The following CLPB variants were observed in gnomAD, a reference collection of about 807,000 sequenced individuals.
CLPB encodes the protein ClpB family mitochondrial disaggregase.
A neutral mutation model predicts 78.4 loss-of-function variants in CLPB; 40 were observed. That is an observed-to-expected ratio of 0.51 (90% CI 0.40 to 0.66). The LOEUF (loss-of-function observed/expected upper bound fraction) is 0.66. Among genes scored for constraint, CLPB ranks in the 30% least tolerant of loss-of-function variants. The pLI, the probability that CLPB is intolerant of heterozygous loss-of-function variation, is 0.00. For missense variants in CLPB, 780 were observed against 886.9 expected, an observed-to-expected ratio of 0.88 and a Z score of 1.53; for synonymous variants, 333 against 348.0, an observed-to-expected ratio of 0.96 and a Z score of 0.48.
At chr11:72,336,878 C>A in intron 5 of CLPB, 1 of 389,102 alleles carries the variant, frequency 2.6e-6, no homozygotes, top group Non-Finnish European at 4.5e-6. Context: ...ACGCTCAGCT[C>A]CACTCTGTCC....
chr11:72,428,558 C>T (rs1856453462), intron 2 of CLPB, among the ~76,000 whole-genome samples: 1 of 152,226 alleles, frequency 6.6e-6, no homozygotes, highest in East Asian at 1.9e-4. Flanking sequence ...CTTTGCTTAG[C>T]TTGCTCCTGG....
chr11:72,422,265 C>CAAAA (rs71469431), intron 2 of CLPB, among the ~76,000 whole-genome samples: 4 of 24,952 alleles, frequency 1.6e-4, no homozygotes, highest in African/African-American at 3.6e-4. Context: ...GACTCCGTCT[C>CAAAA]AAAAAAAAAA....
At chr11:72,348,040 C>T (rs976509813) in intron 5 of CLPB, among the ~76,000 whole-genome samples, 6 of 152,194 alleles carry the variant, frequency 3.9e-5, no homozygotes, top group African/African-American at 1.2e-4. Flanking sequence ...CTGTCAACAC[C>T]GTTTTCAGTC....
At chr11:72,311,687 C>T (rs1224158570) in intron 7 of CLPB, among the ~76,000 whole-genome samples, 1 of 152,238 alleles carries the variant, frequency 6.6e-6, no homozygotes, top group African/African-American at 2.4e-5. Flanking sequence ...CCAATCTGGC[C>T]TGCTCAGCCA....
chr11:72,351,478 G>A (rs1380171657), intron 5 of CLPB: 1 of 152,100 alleles, frequency 6.6e-6, no homozygotes, highest in Non-Finnish European at 1.5e-5. Flanking sequence ...GTAAGTGTCT[G>A]GAAACTTTTA....
At chr11:72,337,585 C>G (rs952658692) in intron 5 of CLPB, among the ~76,000 whole-genome samples, 18 of 152,294 alleles carry the variant, frequency 1.2e-4, no homozygotes, top group African/African-American at 2.6e-4. Flanking sequence ...CATGGTCATA[C>G]AGCAGATAAA....
At chr11:72,302,193 C>G (rs377022467) in intron 10 of CLPB, 111 bp downstream of exon 10, 1 of 1,223,180 alleles carries the variant, frequency 8.2e-7, no homozygotes. Flanking sequence ...GTGCTCCCAA[C>G]GACAAATCCC....
chr11:72,340,049 GGT>G (rs1345207296), intron 5 of CLPB, among the ~76,000 whole-genome samples: 1 of 152,154 alleles, frequency 6.6e-6, no homozygotes, highest in Non-Finnish European at 1.5e-5. Flanking sequence ...AAGTGGCTGT[GGT>G]GTCAGGGTGA....
chr11:72,347,300 A>AT (rs1950534345), intron 5 of CLPB, among the ~76,000 whole-genome samples: 1 of 152,132 alleles, frequency 6.6e-6, no homozygotes, highest in South Asian at 2.1e-4. Context: ...CTACAAAATT[A>AT]TTTTTTTAAC....
intron 11 of CLPB, among the ~76,000 whole-genome samples, chr11:72,298,396 C>T (rs1949595885): frequency 6.6e-6 from 1 of 152,226 alleles, no homozygotes; most frequent in Admixed American, 6.5e-5. Context: ...TGTCTCCGCA[C>T]TCATTGGTCA....
intron 6 of CLPB, among the ~76,000 whole-genome samples, chr11:72,320,317 C>A (rs1950022803): frequency 6.6e-6 from 1 of 152,172 alleles, no homozygotes; most frequent in Non-Finnish European, 1.5e-5. Flanking sequence ...TCCTGTAACT[C>A]TTCTTCAGTG....
chr11:72,421,397 C>T (rs576335288), intron 2 of CLPB, among the ~76,000 whole-genome samples: 49 of 152,174 alleles, frequency 3.2e-4, no homozygotes, highest in Non-Finnish European at 5.7e-4. Context: ...CACTGGTGTC[C>T]CTCCACTCAT....
intron 4 of CLPB, among the ~76,000 whole-genome samples, chr11:72,367,418 C>T (rs1950964302): frequency 6.6e-6 from 1 of 152,230 alleles, no homozygotes; most frequent in South Asian, 2.1e-4. Flanking sequence ...CCTGCTTTGG[C>T]CTACCAAAGT....
intron 4 of CLPB, among the ~76,000 whole-genome samples, chr11:72,359,795 C>T (rs1950798668): frequency 6.6e-6 from 1 of 152,134 alleles, no homozygotes; most frequent in South Asian, 2.1e-4. Context: ...TACCTGTAAA[C>T]ATTTTTTGAA....
In CLPB at chr11:72,293,149, G is replaced by T; in HGVS notation, c.*218C>A. ...CAGCTCCTCTCCTGAAGGCTTGTTA[G>T]CAGGTTATGGGCCCACAACAAAGGG... On this transcript the variant is annotated 3_prime_UTR_variant, in exon 16 of 16. Transcript: ENST00000538039. The T allele has an allele frequency of 1.8e-6, 1 of 546,616 alleles. No individual in the cohort carries two copies. The highest frequency in any genetic ancestry group is 3.2e-6 in the Non-Finnish European group (1 of 309,380). The allele number at this position is 546,616 out of a possible 1,614,324, so 33.9% of individuals were successfully genotyped here.
chr11:72,419,793 T>C lies in CLPB; in HGVS notation c.455+10519A>G, dbSNP rs906925047. ...ATCTGGCTGTCACAGGCTCTCCTGA[T>C]TCTCTGTGTCCTTCCTTTGCAGCAT... On this transcript the variant is annotated intron_variant, in intron 2 of 15. Transcript: ENST00000538039. Among the ~76,000 whole-genome samples the C allele has an allele frequency of 6.6e-5, 10 of 152,344 alleles. No individual in the cohort carries two copies. The East Asian group carries it at 1.9e-3, about 29-fold the overall frequency.
chr11:72,415,148 G>A (rs957528425), intron 2 of CLPB, among the ~76,000 whole-genome samples: 2 of 152,136 alleles, frequency 1.3e-5, no homozygotes, highest in Non-Finnish European at 1.5e-5. Context: ...CCCGGGAGGC[G>A]TGGGTTGCAG....
At chr11:72,352,610 T>C (rs1463547311) in intron 5 of CLPB, 2 of 152,266 alleles carry the variant, frequency 1.3e-5, no homozygotes, top group African/African-American at 4.8e-5. Context: ...CTCTTCAAGA[T>C]TTAAAAGGTC....
At chr11:72,356,483 G>GGAGGTCA (rs148633775) in intron 5 of CLPB, among the ~76,000 whole-genome samples, 3,508 of 152,238 alleles carry the variant, frequency 0.023, 126 homozygotes, top group African/African-American at 0.08. Context: ...AAGGGGGAAG[G>GGAGGTCA]GAGGTCAGAA....
Sources: allele counts gnomAD v4.1 joint callset (sites outside exome capture counted in the v4.1 genomes callset), GRCh38; gene constraint gnomAD v4.1.1; transcripts MANE v1.5; gene names NCBI Gene and HGNC (gene_info 2026-07-23, HGNC 2026-07-21).